TMEM244: variants seen among roughly 807,000 people sequenced by gnomAD.
The protein encoded by TMEM244 is putative transmembrane protein 244.
A neutral mutation model predicts 15.8 loss-of-function variants in TMEM244; 13 were observed. That is an observed-to-expected ratio of 0.82 (90% CI 0.53 to 1.30). The LOEUF (loss-of-function observed/expected upper bound fraction) is 1.30. Among genes scored for constraint, TMEM244 ranks in the 50% most tolerant of loss-of-function variants. The pLI, the probability that TMEM244 is intolerant of heterozygous loss-of-function variation, is 0.00. For missense variants in TMEM244, 161 were observed against 144.9 expected, an observed-to-expected ratio of 1.11 and a Z score of -0.57; for synonymous variants, 45 against 48.7, an observed-to-expected ratio of 0.92 and a Z score of 0.32.
At chr6:129,845,965 T>A in intron 1 of TMEM244, 113 bp from the exon 2 acceptor site, 1 of 704,848 alleles carries the variant, frequency 1.4e-6, no homozygotes, top group South Asian at 1.9e-5. Flanking sequence ...GCTAGCCTTG[T>A]ATTGCTTAAG....
intron 3 of TMEM244, among the ~76,000 whole-genome samples, chr6:129,836,267 T>G (rs1299008156): frequency 1.3e-5 from 2 of 151,994 alleles, no homozygotes; most frequent in East Asian, 3.9e-4. Context: ...TGGTGATACC[T>G]AGGCAAACAG....
At chr6:129,832,883 G>A (rs72993204) in intron 4 of TMEM244, among the ~76,000 whole-genome samples, 10,229 of 152,162 alleles carry the variant, frequency 0.067, 435 homozygotes, top group Non-Finnish European at 0.091. Context: ...ATAGGCGTCC[G>A]TGCATCCCCC....
At chr6:129,845,053 A>G (rs1414761658) in intron 2 of TMEM244, among the ~76,000 whole-genome samples, 1 of 152,206 alleles carries the variant, frequency 6.6e-6, no homozygotes, top group Non-Finnish European at 1.5e-5. Context: ...CCTGAAAAAT[A>G]ATGTTTTACA....
At chr6:129,848,012 G>A (rs995472305) in intron 1 of TMEM244, among the ~76,000 whole-genome samples, 4 of 151,942 alleles carry the variant, frequency 2.6e-5, no homozygotes, top group African/African-American at 2.4e-5. Flanking sequence ...AACCTCAGGT[G>A]ATCCGCCTGC....
intron 1 of TMEM244, among the ~76,000 whole-genome samples, chr6:129,846,628 TGATTC>T (rs1776564322): frequency 6.6e-6 from 1 of 152,158 alleles, no homozygotes; most frequent in African/African-American, 2.4e-5. Context: ...CTTGACAAAA[TGATTC>T]TAAACCTCAG....
intron 1 of TMEM244, among the ~76,000 whole-genome samples, chr6:129,860,492 A>G (rs1776791627): frequency 6.6e-6 from 1 of 152,160 alleles, no homozygotes; most frequent in Non-Finnish European, 1.5e-5. Flanking sequence ...ACTAAAATGA[A>G]TGTAGCACTC....
chr6:129,840,938 G>T (rs1776480745), intron 3 of TMEM244, among the ~76,000 whole-genome samples: 1 of 152,178 alleles, frequency 6.6e-6, no homozygotes, highest in South Asian at 2.1e-4. Context: ...ATGCTGGAGA[G>T]GATGTGGAGC....
intron 1 of TMEM244, among the ~76,000 whole-genome samples, chr6:129,847,278 C>T (rs1776573836): frequency 6.6e-6 from 1 of 152,106 alleles, no homozygotes; most frequent in Admixed American, 6.5e-5. Flanking sequence ...ATGAGAAATG[C>T]TCAGTTTACT....
intron 1 of TMEM244, among the ~76,000 whole-genome samples, chr6:129,852,030 A>G (rs1254476337): frequency 6.6e-6 from 1 of 152,212 alleles, no homozygotes; most frequent in East Asian, 1.9e-4. Flanking sequence ...TTATCTTTAA[A>G]GATGCATAAG....
chr6:129,842,301 G>T (rs995701521), intron 3 of TMEM244, among the ~76,000 whole-genome samples: 1 of 152,078 alleles, frequency 6.6e-6, no homozygotes, highest in Non-Finnish European at 1.5e-5. Context: ...AATCATTTGT[G>T]GATAGTGTTG....
At position 129,839,603 on chromosome 6, in the gene TMEM244, A is replaced by G. The variant is rs180846335; in HGVS notation, c.193+3927T>C. On this transcript the variant is annotated intron_variant, in intron 3 of 4. Transcript: ENST00000368143. ...GGGCAATCAGGCAAGAGAAAGAAATAAAGCGTATTCAATTAGGAAAAGAGG... is the reference window on the plus strand; with the variant it reads ...GGGCAATCAGGCAAGAGAAAGAAATGAAGCGTATTCAATTAGGAAAAGAGG... Among the ~76,000 whole-genome samples, 16 of 152,316 alleles carry G rather than the reference A, an allele frequency of 1.1e-4. 1 individual carries two copies. In the East Asian group the frequency reaches 2.7e-3, roughly 26 times the overall value.
intron 1 of TMEM244, among the ~76,000 whole-genome samples, chr6:129,853,847 G>A (rs1776668361): frequency 6.6e-6 from 1 of 152,176 alleles, no homozygotes; most frequent in Non-Finnish European, 1.5e-5. Context: ...CAGAGCTTAA[G>A]TGGAGCCTGA....
chr6:129,846,421 G>C (rs543418252), intron 1 of TMEM244, among the ~76,000 whole-genome samples: 1 of 152,122 alleles, frequency 6.6e-6, no homozygotes, highest in East Asian at 1.9e-4. Flanking sequence ...CAATATATTT[G>C]TTGACAAATT....
chr6:129,843,595 T>A lies in TMEM244; in HGVS notation c.128A>T (p.Glu43Val), dbSNP rs747868402. 22 of 1,611,056 alleles carry A rather than the reference T, an allele frequency of 1.4e-5. No individual in the cohort carries two copies. In the African/African-American group the frequency reaches 2.4e-4, roughly 18 times the overall value. The change falls in exon 3 of 5, where the codon GAG becomes GTG. Residue 43 changes from glutamate (E) to valine (V), a missense_variant. Transcript: ENST00000368143. Reference protein sequence around the residue: ...SMGCVMFEVHELNVLAPFDFK... With the variant: ...SMGCVMFEVHVLNVLAPFDFK... ...ATCAAATGGAGCCAGGACATTCAAC[T>A]CATGCACCCTAAAGATGTTATAAGT...
At chr6:129,852,176 C>T (rs1396958756) in intron 1 of TMEM244, among the ~76,000 whole-genome samples, 2 of 152,076 alleles carry the variant, frequency 1.3e-5, no homozygotes, top group African/African-American at 2.4e-5. Flanking sequence ...GAATGGGATT[C>T]ATTATACCAT....
chr6:129,831,721 CT>C (rs1280774107), intron 4 of TMEM244, among the ~76,000 whole-genome samples: 1 of 152,222 alleles, frequency 6.6e-6, no homozygotes, highest in Non-Finnish European at 1.5e-5. Context: ...TCTGAAGTCA[CT>C]TCTGTCCAGT....
intron 1 of TMEM244, among the ~76,000 whole-genome samples, chr6:129,848,695 G>C (rs1397722644): frequency 6.6e-6 from 1 of 152,166 alleles, no homozygotes; most frequent in Non-Finnish European, 1.5e-5. Flanking sequence ...ATTTGCTGCT[G>C]GGAGATGGGT....
At chr6:129,843,833 T>C (rs1038916201) in intron 2 of TMEM244, among the ~76,000 whole-genome samples, 1 of 152,160 alleles carries the variant, frequency 6.6e-6, no homozygotes, top group African/African-American at 2.4e-5. Flanking sequence ...GAATTACAAG[T>C]TGTGGTAACA....
chr6:129,854,813 G>A (rs1457758435), intron 1 of TMEM244, among the ~76,000 whole-genome samples: 1 of 152,110 alleles, frequency 6.6e-6, no homozygotes, highest in African/African-American at 2.4e-5. Context: ...AAGTCAAGGA[G>A]CATCCATAAT....
Sources: gnomAD v4.1 joint callset for allele counts (sites outside exome capture counted in the v4.1 genomes callset) on GRCh38, gnomAD v4.1.1 for gene constraint, MANE v1.5 for transcripts, NCBI Gene and HGNC (gene_info 2026-07-23, HGNC 2026-07-21) for gene names.